Variants in SNX8 observed in about 807,000 individuals in gnomAD.
SNX8 encodes the protein sorting nexin 8, also known as sorting nexin-8.
Under a neutral mutation model 51.6 loss-of-function variants are expected in SNX8, and 25 were observed. That is an observed-to-expected ratio of 0.48 (90% confidence interval 0.35 to 0.68). The LOEUF (loss-of-function observed/expected upper bound fraction) is 0.68, where lower values mean the gene tolerates loss of function less well. Ranked by LOEUF, SNX8 falls within the 30% of genes least tolerant of loss-of-function variation. The pLI is 0.00. For synonymous variants in SNX8, 324 were observed against 277.0 expected (o/e 1.17, Z -1.68); for missense variants, 695 against 624.0 (o/e 1.11, Z -1.21).
chr7:2,314,165 G>T (rs1047827987), intron 1 of SNX8, among the ~76,000 whole-genome samples, 163 bp downstream of exon 1: 1 of 152,226 alleles, frequency 6.6e-6, no homozygotes, highest in Non-Finnish European at 1.5e-5. Context: ...AGGCGCGCAG[G>T]AGGGCAGGGG....
At chr7:2,285,373 A>G (rs1796004972) in intron 1 of SNX8, among the ~76,000 whole-genome samples, 1 of 152,176 alleles carries the variant, frequency 6.6e-6, no homozygotes, top group Non-Finnish European at 1.5e-5. Context: ...TGGGCAACAG[A>G]GCGAGACTCA....
intron 1 of SNX8, among the ~76,000 whole-genome samples, chr7:2,300,074 G>A (rs925271530): frequency 5.9e-5 from 9 of 152,186 alleles, no homozygotes; most frequent in African/African-American, 1.9e-4. Flanking sequence ...ATTAGGAACT[G>A]TGAAAAATGT....
intron 3 of SNX8, 84 bp downstream of exon 3, chr7:2,275,028 G>A (rs1301049961): frequency 9.8e-6 from 9 of 920,390 alleles, no homozygotes; most frequent in East Asian, 2.4e-5. Context: ...GTCTACAGTG[G>A]GGTCCATCCC....
At chr7:2,304,543 CA>C (rs879907096) in intron 1 of SNX8, among the ~76,000 whole-genome samples, 210 of 140,422 alleles carry the variant, frequency 1.5e-3, no homozygotes, top group Admixed American at 1.9e-3. Flanking sequence ...GACTCCATCT[CA>C]AAAAAAAAAA....
At chr7:2,289,156 G>C (rs1796095680) in intron 1 of SNX8, among the ~76,000 whole-genome samples, 1 of 152,170 alleles carries the variant, frequency 6.6e-6, no homozygotes, top group Admixed American at 6.6e-5. Flanking sequence ...CTGCCCCTGT[G>C]GTGGGCGCCG....
chr7:2,278,758 G>A (rs373290675), intron 1 of SNX8, among the ~76,000 whole-genome samples: 2 of 71,184 alleles, frequency 2.8e-5, no homozygotes, highest in East Asian at 9.7e-4. Context: ...AGTCGAAGCC[G>A]GACTCACTCA....
At chr7:2,323,480 G>T (rs990459477) in intron 1 of SNX8, among the ~76,000 whole-genome samples, 4 of 152,122 alleles carry the variant, frequency 2.6e-5, no homozygotes, top group African/African-American at 9.7e-5. Context: ...AATCCCAGAG[G>T]CTTAAAGTCA....
intron 7 of SNX8, among the ~76,000 whole-genome samples, chr7:2,259,445 G>A (rs1396095033): frequency 1.3e-5 from 2 of 152,230 alleles, no homozygotes; most frequent in East Asian, 1.9e-4. Flanking sequence ...CGCACTGCAC[G>A]TCAAGCTCAG....
At chr7:2,348,721 C>T (rs1019309798) in intron 1 of SNX8, among the ~76,000 whole-genome samples, 3 of 150,920 alleles carry the variant, frequency 2.0e-5, no homozygotes, top group Non-Finnish European at 4.4e-5. Context: ...GAGAGGCGGG[C>T]GGATCACCTG....
At chr7:2,303,657 C>T (rs1299388456) in intron 1 of SNX8, among the ~76,000 whole-genome samples, 1 of 152,290 alleles carries the variant, frequency 6.6e-6, no homozygotes, top group East Asian at 1.9e-4. Context: ...GACCTTACCA[C>T]CAACCCTGTG....
chr7:2,288,021 T>TG (rs1796071956), intron 1 of SNX8: 1 of 152,366 alleles, frequency 6.6e-6, no homozygotes, highest in Admixed American at 6.6e-5. Flanking sequence ...TCATGTGTTC[T>TG]GGACCATCCA....
chr7:2,322,928 A>G (rs1778555152), intron 1 of SNX8, among the ~76,000 whole-genome samples: 1 of 151,858 alleles, frequency 6.6e-6, no homozygotes, highest in East Asian at 1.9e-4. Context: ...GAAGCAAGAG[A>G]ATTACTTGAA....
chr7:2,257,663 G>A lies in SNX8; in HGVS notation c.984+72C>T. 5 of 1,578,846 alleles carry A rather than the reference G, an allele frequency of 3.2e-6. No individual in the cohort carries two copies. In the South Asian group the frequency reaches 4.4e-5, roughly 14 times the overall value. On this transcript the variant is annotated intron_variant, in intron 8 of 10. Coordinates refer to ENST00000222990, the MANE Select transcript of SNX8 (RefSeq NM_013321.4). ...TCAGCTCCTCTTCCGTCCCCCAGGA[G>A]TTAGACCCTTGAAGGATCCTAAGAT... is the stretch of plus-strand genomic sequence containing the variant.
intron 1 of SNX8, among the ~76,000 whole-genome samples, chr7:2,341,252 C>T (rs964232711): frequency 2.0e-5 from 3 of 151,920 alleles, no homozygotes; most frequent in African/African-American, 7.3e-5. Flanking sequence ...GGTGCAGTGG[C>T]TCACATGAGG....
At chr7:2,302,051 G>C (rs992201704) in intron 1 of SNX8, among the ~76,000 whole-genome samples, 1 of 151,942 alleles carries the variant, frequency 6.6e-6, no homozygotes, top group Non-Finnish European at 1.5e-5. Flanking sequence ...GACCATCCTG[G>C]CTAACACGGT....
chr7:2,281,802 C>T (rs969026259), intron 1 of SNX8, among the ~76,000 whole-genome samples: 2 of 152,168 alleles, frequency 1.3e-5, no homozygotes, highest in Admixed American at 6.6e-5. Context: ...AGCACGCAGC[C>T]GCCTCTGAGC....
intron 1 of SNX8, among the ~76,000 whole-genome samples, chr7:2,335,802 CAAAAAAAAAAA>C (rs1173439746): frequency 6.5e-5 from 2 of 30,646 alleles, no homozygotes; most frequent in Admixed American, 2.9e-4. Flanking sequence ...GACTCTGTCT[CAAAAAAAAAAA>C]AAAAAAAAAA....
At chr7:2,256,768 G>C in intron 10 of SNX8, 106 bp downstream of exon 10, 3 of 1,168,352 alleles carry the variant, frequency 2.6e-6, no homozygotes, top group Non-Finnish European at 3.5e-6. Flanking sequence ...CTCCACTAAA[G>C]AACCTCTCTA....
intron 7 of SNX8, among the ~76,000 whole-genome samples, chr7:2,260,927 C>T (rs763174347): frequency 2.7e-4 from 41 of 152,344 alleles, no homozygotes; most frequent in East Asian, 3.9e-4. Flanking sequence ...GGAAATGCGG[C>T]ATCCAGGGCT....
Sources: gnomAD v4.1 joint callset for allele counts (sites outside exome capture counted in the v4.1 genomes callset) on GRCh38, gnomAD v4.1.1 for gene constraint, MANE v1.5 for transcripts, NCBI Gene and HGNC (gene_info 2026-07-23, HGNC 2026-07-21) for gene names.